The following LRP1B variants were observed in gnomAD, a reference collection of about 807,000 sequenced individuals.
LRP1B encodes the protein low-density lipoprotein receptor-related protein 1B.
Under a neutral mutation model 556.6 loss-of-function variants are expected in LRP1B, and 217 were observed. The observed-to-expected ratio is 0.39, with a 90% CI of 0.35 to 0.44. The LOEUF (loss-of-function observed/expected upper bound fraction) is 0.44. Ranked by LOEUF, LRP1B falls within the 20% of genes least tolerant of loss-of-function variation. The pLI, the probability that LRP1B is intolerant of heterozygous loss-of-function variation, is 1.00. For synonymous variants in LRP1B, 2,047 were observed against 1,865.8 expected (o/e 1.10, Z -2.50); for missense variants, 5,053 against 5,620.8 (o/e 0.90, Z 3.23).
At chr2:141,193,638 C>T (rs954249033) in intron 6 of LRP1B, among the ~76,000 whole-genome samples, 7 of 151,486 alleles carry the variant, frequency 4.6e-5, no homozygotes, top group African/African-American at 1.5e-4. Context: ...CTTTTGGGGA[C>T]TTGGCAATGA....
At chr2:140,962,485 T>G (rs1023410280) in intron 18 of LRP1B, among the ~76,000 whole-genome samples, 1 of 152,180 alleles carries the variant, frequency 6.6e-6, no homozygotes, top group Non-Finnish European at 1.5e-5. Flanking sequence ...GTTTTTAGTG[T>G]TTGATAGTGT....
At chr2:141,567,576 T>C (rs1239816255) in intron 2 of LRP1B, among the ~76,000 whole-genome samples, 6 of 152,004 alleles carry the variant, frequency 3.9e-5, no homozygotes, top group Non-Finnish European at 8.8e-5. Flanking sequence ...AGTCATTGAG[T>C]TCTCCTAACT....
chr2:141,545,246 C>A (rs1371065817), intron 2 of LRP1B, among the ~76,000 whole-genome samples: 2 of 152,174 alleles, frequency 1.3e-5, no homozygotes, highest in Non-Finnish European at 2.9e-5. Context: ...CATATATTTA[C>A]TCATGGTCAA....
In LRP1B at chr2:141,526,636, G is replaced by A. The variant is rs141573245; in HGVS notation, c.206-46103C>T. Among the ~76,000 whole-genome samples, 4 of 151,910 alleles carry A rather than the reference G, an allele frequency of 2.6e-5. No homozygotes were observed. In the East Asian group the frequency reaches 7.8e-4, roughly 29 times the overall value. ...GACACTGCCTTCCACTTGCTCTCCT[G>A]CTTAATGTTTTAATTGTAATGTAGA... On this transcript the variant is annotated intron_variant, in intron 2 of 90. Transcript: ENST00000389484.
chr2:141,962,446 A>G (rs1282817187), intron 1 of LRP1B, among the ~76,000 whole-genome samples: 1 of 151,800 alleles, frequency 6.6e-6, no homozygotes, highest in African/African-American at 2.4e-5. Flanking sequence ...ATTAGCCAGA[A>G]AATGTTTGAA....
intron 83 of LRP1B, among the ~76,000 whole-genome samples, chr2:140,313,590 TTATCTCAA>T (rs1307479362): frequency 1.3e-5 from 2 of 151,924 alleles, no homozygotes; most frequent in Non-Finnish European, 2.9e-5. Context: ...ATGGTTTTCA[TTATCTCAA>T]TGAGAAAATT....
At chr2:140,772,831 G>A (rs969277034) in intron 33 of LRP1B, among the ~76,000 whole-genome samples, 2 of 151,984 alleles carry the variant, frequency 1.3e-5, no homozygotes, top group Admixed American at 6.6e-5. Flanking sequence ...AAGAGGCTAG[G>A]CACAGTGCTC....
At chr2:141,435,976 A>G (rs1052855662) in intron 3 of LRP1B, among the ~76,000 whole-genome samples, 2 of 152,238 alleles carry the variant, frequency 1.3e-5, no homozygotes, top group African/African-American at 4.8e-5. Context: ...TCTTGACTGC[A>G]TATGACCATA....
chr2:141,582,851 T>A (rs1321577703), intron 2 of LRP1B, among the ~76,000 whole-genome samples: 2 of 145,206 alleles, frequency 1.4e-5, no homozygotes, highest in African/African-American at 5.2e-5. Flanking sequence ...TTTTTTTTTT[T>A]TTGAGACGGA....
At chr2:141,714,377 C>T (rs1324697507) in intron 2 of LRP1B, among the ~76,000 whole-genome samples, 3 of 150,824 alleles carry the variant, frequency 2.0e-5, no homozygotes, top group Admixed American at 6.6e-5. Context: ...GTTTAATTTG[C>T]TTCAGCTGTG....
intron 43 of LRP1B, among the ~76,000 whole-genome samples, chr2:140,568,491 C>A (rs1161380035): frequency 6.6e-6 from 1 of 151,466 alleles, no homozygotes; most frequent in Non-Finnish European, 1.5e-5. Context: ...TATGAGACAC[C>A]ATTAAATGAA....
chr2:140,233,442 T>C, intron 90 of LRP1B, 116 bp from the exon 91 acceptor site: 1 of 617,708 alleles, frequency 1.6e-6, no homozygotes, highest in East Asian at 3.0e-5. Flanking sequence ...ATACATTTAA[T>C]TTATTAAATA....
chr2:141,984,873 A>G (rs1299225126), intron 1 of LRP1B, among the ~76,000 whole-genome samples: 1 of 152,132 alleles, frequency 6.6e-6, no homozygotes, highest in Non-Finnish European at 1.5e-5. Flanking sequence ...GGTCTCAGCA[A>G]TTAACTTCAT....
intron 32 of LRP1B, among the ~76,000 whole-genome samples, chr2:140,793,492 C>G (rs866149608): frequency 6.6e-6 from 1 of 151,866 alleles, no homozygotes; most frequent in African/African-American, 2.4e-5. Flanking sequence ...TACCCAACTC[C>G]TGACACTCCC....
At chr2:141,675,986 C>T (rs2105421094) in intron 2 of LRP1B, among the ~76,000 whole-genome samples, 1 of 151,930 alleles carries the variant, frequency 6.6e-6, no homozygotes, top group East Asian at 1.9e-4. Context: ...AAGTTTACAC[C>T]CACATCTCCC....
intron 1 of LRP1B, among the ~76,000 whole-genome samples, chr2:141,867,620 T>A (rs1426346476): frequency 6.6e-6 from 1 of 152,176 alleles, no homozygotes; most frequent in African/African-American, 2.4e-5. Flanking sequence ...ATCAGCGTTA[T>A]GCTTACAATA....
intron 20 of LRP1B, among the ~76,000 whole-genome samples, chr2:140,939,988 C>T (rs575972570): frequency 4.0e-5 from 6 of 148,480 alleles, no homozygotes; most frequent in South Asian, 2.1e-4. Flanking sequence ...CAGGTTCAAA[C>T]GATTCTCATG....
intron 41 of LRP1B, among the ~76,000 whole-genome samples, chr2:140,624,908 A>G (rs1683600876): frequency 6.6e-6 from 1 of 152,232 alleles, no homozygotes; most frequent in Non-Finnish European, 1.5e-5. Context: ...ATTCCTATGG[A>G]AGAACATTCT....
At chr2:140,762,470 G>T (rs190693189) in intron 35 of LRP1B, among the ~76,000 whole-genome samples, 158 of 151,752 alleles carry the variant, frequency 1.0e-3, no homozygotes, top group African/African-American at 3.6e-3. Context: ...AATATTAAGG[G>T]TTTTTTTTGT....
Sources: gnomAD v4.1 joint callset for allele counts (sites outside exome capture counted in the v4.1 genomes callset) on GRCh38, gnomAD v4.1.1 for gene constraint, MANE v1.5 for transcripts, NCBI Gene and HGNC (gene_info 2026-07-23, HGNC 2026-07-21) for gene names.